USP5: variants seen among roughly 807,000 people sequenced by gnomAD.
USP5 encodes ubiquitin carboxyl-terminal hydrolase 5.
USP5 carries 24 observed loss-of-function variants against 102.5 expected under a neutral mutation model. The observed-to-expected ratio is 0.23, with a 90% CI of 0.17 to 0.33. The LOEUF is 0.33. USP5 is among the 10% of genes least tolerant of loss of function. The pLI, the probability that USP5 is intolerant of heterozygous loss-of-function variation, is 1.00. For missense variants in USP5, 753 were observed against 1,122.1 expected (o/e 0.67, Z 4.70); for synonymous variants, 460 against 434.8 (o/e 1.06, Z -0.72).
chr12:6,861,806 CTGTCACCT>C lies in USP5; in HGVS notation c.1673+194_1673+201del, dbSNP rs1409984267. 6.6e-6 allele frequency among the ~76,000 whole-genome samples: 1 copy of C among 152,258 alleles called. No homozygotes were observed. Among genetic ancestry groups the C allele is most frequent in the East Asian group, 1.9e-4 (1 of 5,206 alleles). ...GGGGGGACACGGGTACTGACTCTAT[CTGTCACCT>C]TGTCCTGCCCCAACCACTCCCTCTT... On this transcript the variant is annotated intron_variant, in intron 13 of 19. Coordinates refer to ENST00000229268, the MANE Select transcript of USP5 (RefSeq NM_001098536.2). The surrounding 1 kb of genome is among the most constrained non-coding windows in gnomAD (Gnocchi z 4.9).
Position 6,856,660 on chromosome 12 carries a change from C to T in USP5, c.585-47C>T. The T allele has an allele frequency of 6.2e-7, 1 of 1,604,804 alleles. No individual in the cohort carries two copies. The highest frequency in any genetic ancestry group is 8.5e-7 in the Non-Finnish European group (1 of 1,175,992). On this transcript the variant is annotated intron_variant, in intron 5 of 19. Transcript: ENST00000229268. This position sits in a 1 kb window ranked among gnomAD's most constrained non-coding sequence, Gnocchi z 5.6. ...GAGCCCTCTCTCTCTGCCACTCCCT[C>T]AAATCCCCGACCCACATTTCTGCTG...
In USP5 at chr12:6,858,552, G is replaced by A. The variant is rs1944185267; in HGVS notation, c.993G>A (p.Leu331=). ...CTGGCTACACAGGCATCCGGAACCTGGGTAACAGCTGCTACCTCAACTCTG... is the reference window on the plus strand; with the variant it reads ...CTGGCTACACAGGCATCCGGAACCTAGGTAACAGCTGCTACCTCAACTCTG... ...FGPGYTGIRN[L]GNSCYLNSVV... The change falls in exon 8 of 20, where the codon CTG becomes CTA. Residue 331 remains leucine, a synonymous_variant. Coordinates refer to ENST00000229268, the MANE Select transcript of USP5 (RefSeq NM_001098536.2). This position sits in a 1 kb window ranked among gnomAD's most constrained non-coding sequence, Gnocchi z 4.2. 1 of 1,613,628 alleles carries A rather than the reference G, an allele frequency of 6.2e-7. No individual in the cohort carries two copies. Among genetic ancestry groups the A allele is most frequent in the African/African-American group, 1.3e-5 (1 of 74,928 alleles).
In USP5 at chr12:6,861,226, G is replaced by T; in HGVS notation, c.1498+120G>T. 6.6e-7 allele frequency: 1 copy of T among 1,506,084 alleles called. No individual in the cohort carries two copies. Among genetic ancestry groups the T allele is most frequent in the Non-Finnish European group, 8.9e-7 (1 of 1,121,736 alleles). The allele number at this position is 1,506,084 out of a possible 1,614,324, so 93.3% of individuals were successfully genotyped here. On this transcript the variant is annotated intron_variant, in intron 12 of 19. Transcript: ENST00000229268. The surrounding 1 kb of genome is among the most constrained non-coding windows in gnomAD (Gnocchi z 4.9). ...CCCTGCTTCACCAGCCAAGGTTCCAGTCTGGGCCACCAGGAGTAGGTAGAT... is the reference window on the plus strand; with the variant it reads ...CCCTGCTTCACCAGCCAAGGTTCCATTCTGGGCCACCAGGAGTAGGTAGAT...
At position 6,860,533 on chromosome 12, in the gene USP5, T is replaced by C; in HGVS notation, c.1344+42T>C. 2 of 1,609,902 alleles carry C rather than the reference T, an allele frequency of 1.2e-6. No individual in the cohort carries two copies. Among genetic ancestry groups the C allele is most frequent in the Non-Finnish European group, 1.7e-6 (2 of 1,179,386 alleles). ...TGGCACACCCCCATCTTCCTGCAATTTACTCGCTCTCCTTCCTGCCCATTT... is the reference window on the plus strand; with the variant it reads ...TGGCACACCCCCATCTTCCTGCAATCTACTCGCTCTCCTTCCTGCCCATTT... On this transcript the variant is annotated intron_variant, in intron 11 of 19. Transcript: ENST00000229268. The surrounding 1 kb of genome is among the most constrained non-coding windows in gnomAD (Gnocchi z 5.5).
In USP5 at chr12:6,858,354, A is replaced by G. The variant is rs1944179785; in HGVS notation, c.865-70A>G. 1 of 1,506,910 alleles carries G rather than the reference A, an allele frequency of 6.6e-7. No homozygotes were observed. Among genetic ancestry groups the G allele is most frequent in the Non-Finnish European group, 9.1e-7 (1 of 1,097,800 alleles). The allele number at this position is 1,506,910 out of a possible 1,614,324, so 93.3% of individuals were successfully genotyped here. A position where few individuals can be genotyped will look rare whatever the true frequency, so the allele number is the denominator to read the frequency against. ...CACAGTTGAGTATCATCCTAGACTC[A>G]GTGAGAGATCGAGGTAAAAACTACA... On this transcript the variant is annotated intron_variant, in intron 7 of 19. Transcript: ENST00000229268. The surrounding 1 kb of genome is among the most constrained non-coding windows in gnomAD (Gnocchi z 4.2).
chr12:6,856,610 AC>A lies in USP5; in HGVS notation c.585-95del. The A allele has an allele frequency of 3.2e-6, 5 of 1,556,732 alleles. No individual in the cohort carries two copies. Among genetic ancestry groups the A allele is most frequent in the Non-Finnish European group, 4.3e-6 (5 of 1,152,402 alleles). ...GATGGCCAGAGGAGAAGAGAGAGAG[AC>A]CTTGGATTGGCGGGGGGCCTGCAGA... On this transcript the variant is annotated intron_variant, in intron 5 of 19. Transcript: ENST00000229268. This position sits in a 1 kb window ranked among gnomAD's most constrained non-coding sequence, Gnocchi z 5.6.
Position 6,856,888 on chromosome 12 carries a change from G to C in USP5, c.766G>C (p.Ala256Pro), listed in dbSNP as rs1364191926. 6.2e-7 allele frequency: 1 copy of C among 1,613,266 alleles called. No individual in the cohort carries two copies. The highest frequency in any genetic ancestry group is 8.5e-7 in the Non-Finnish European group (1 of 1,179,562). ...GCTGGGCACCATCACCCCTGATGGA[G>C]CTGGTACAGCCTCCCCTCCTCCAGC... is the stretch of plus-strand genomic sequence containing the variant. ...VKLGTITPDG[A>P]DVYSYDEDDM... Residue 256 changes from alanine to proline, a missense_variant, in exon 6 of 20, where the codon GCT (alanine) becomes CCT (proline). By Grantham distance (27) the Ala-to-Pro change is conservative. Transcript: ENST00000229268. The surrounding 1 kb of genome is among the most constrained non-coding windows in gnomAD (Gnocchi z 5.6).
rs1944183221 is a variant in USP5 at position 6,858,457 on chromosome 12, A to G, written c.898A>G (p.Met300Val). The G allele has an allele frequency of 4.3e-6, 7 of 1,610,432 alleles. No homozygotes were observed. Among genetic ancestry groups the G allele is most frequent in the Non-Finnish European group, 5.9e-6 (7 of 1,176,824 alleles). Residue 300 changes from methionine to valine, a missense_variant, in exon 8 of 20, where the codon ATG becomes GTG. By Grantham distance (21) the Met-to-Val change is conservative. Coordinates refer to ENST00000229268, the MANE Select transcript of USP5 (RefSeq NM_001098536.2). The surrounding 1 kb of genome is among the most constrained non-coding windows in gnomAD (Gnocchi z 4.2). Reference protein sequence around the residue: ...DKTMTELEIDMNQRIGEWELI... With the variant: ...DKTMTELEIDVNQRIGEWELI... ...GACGATGACTGAGTTGGAGATAGACATGAACCAGCGGATTGGTGAATGGGA... is the reference window on the plus strand; with the variant it reads ...GACGATGACTGAGTTGGAGATAGACGTGAACCAGCGGATTGGTGAATGGGA...
At position 6,860,255 on chromosome 12, in the gene USP5, G is replaced by A. The variant is rs1944240322; in HGVS notation, c.1218+17G>A. On this transcript the variant is annotated intron_variant, in intron 10 of 19. Coordinates refer to ENST00000229268, the MANE Select transcript of USP5 (RefSeq NM_001098536.2). This position sits in a 1 kb window ranked among gnomAD's most constrained non-coding sequence, Gnocchi z 5.5. ...GAACAGAAGGTGCGTCTAGGACCCT[G>A]TCCCTTTCAGGCCCTGGGATTGTGG... 3 of 1,611,304 alleles carry A rather than the reference G, an allele frequency of 1.9e-6. No individual in the cohort carries two copies. Among genetic ancestry groups the A allele is most frequent in the African/African-American group, 2.7e-5 (2 of 74,710 alleles).
chr12:6,852,632 T>A (rs1391593936), intron 1 of USP5, among the ~76,000 whole-genome samples: 1 of 152,250 alleles, frequency 6.6e-6, no homozygotes, highest in African/African-American at 2.4e-5. Context: ...CAGTCGGCCT[T>A]GTCTGCCGCG....
intron 1 of USP5, among the ~76,000 whole-genome samples, chr12:6,853,340 C>G (rs1944001186): frequency 6.6e-6 from 1 of 152,238 alleles, no homozygotes; most frequent in Non-Finnish European, 1.5e-5. Flanking sequence ...AGGCCCAGTT[C>G]AGGATCATCA....
chr12:6,860,949 A>G lies in USP5; in HGVS notation c.1345-4A>G. On this transcript the variant is annotated splice_polypyrimidine_tract_variant and splice_region_variant and intron_variant, in intron 11 of 19. Coordinates refer to ENST00000229268, the MANE Select transcript of USP5 (RefSeq NM_001098536.2). The surrounding 1 kb of genome is among the most constrained non-coding windows in gnomAD (Gnocchi z 5.5). ...GACCTCCCTACCCTGCCTCTTTCCC[A>G]TAGAGGAATTGCCGGAGCTCTGAAA... 1 of 1,613,722 alleles carries G rather than the reference A, an allele frequency of 6.2e-7. No homozygotes were observed. The highest frequency in any genetic ancestry group is 8.5e-7 in the Non-Finnish European group (1 of 1,179,944).
At chr12:6,865,006 G>A (rs1312790292) in intron 18 of USP5, 131 bp downstream of exon 18, 3 of 1,390,286 alleles carry the variant, frequency 2.2e-6, no homozygotes, top group Non-Finnish European at 2.9e-6. Flanking sequence ...GGCATCTGAG[G>A]GTGGGGTTCT....
intron 6 of USP5, among the ~76,000 whole-genome samples, 193 bp downstream of exon 6, chr12:6,857,084 G>A (rs1944138465): frequency 6.6e-6 from 1 of 152,014 alleles, no homozygotes; most frequent in Admixed American, 6.6e-5. Flanking sequence ...CTAGGAGTTC[G>A]AGACCAGCCT....
rs1555130787 is a variant in USP5 at position 6,866,002 on chromosome 12, C to T, written c.2502C>T (p.Asp834=). ...TCCCCAGATGGGTGATCTACAATGA[C>T]CAGAAAGTGTGTGCCTCCGAGAAGC... is the stretch of plus-strand genomic sequence containing the variant. The part of the protein sequence containing the change: ...KKEGRWVIYN[D]QKVCASEKPP... Residue 834 remains aspartate, a synonymous_variant, in exon 20 of 20, where the codon GAC becomes GAT. Coordinates refer to ENST00000229268, the MANE Select transcript of USP5 (RefSeq NM_001098536.2). This position sits in a 1 kb window ranked among gnomAD's most constrained non-coding sequence, Gnocchi z 4.7. 14 of 1,614,124 alleles carry T rather than the reference C, an allele frequency of 8.7e-6. No homozygotes were observed. Among genetic ancestry groups the T allele is most frequent in the Non-Finnish European group, 1.2e-5 (14 of 1,180,006 alleles).
chr12:6,863,105 A>G lies in USP5; in HGVS notation c.1763-81A>G. On this transcript the variant is annotated intron_variant, in intron 14 of 19. Coordinates refer to ENST00000229268, the MANE Select transcript of USP5 (RefSeq NM_001098536.2). This position sits in a 1 kb window ranked among gnomAD's most constrained non-coding sequence, Gnocchi z 4.7. Reference sequence around the variant, plus strand: ...CTCCTCTTTACAGAGCAGTTCTGACATAGGGGGCAGGGGATTGAGGTTCCC... The same window carrying G: ...CTCCTCTTTACAGAGCAGTTCTGACGTAGGGGGCAGGGGATTGAGGTTCCC... The G allele has an allele frequency of 7.1e-7, 1 of 1,417,534 alleles. No homozygotes were observed. Among genetic ancestry groups the G allele is most frequent in the Non-Finnish European group, 9.5e-7 (1 of 1,053,918 alleles). 87.8% of individuals were successfully genotyped at this position (1,417,534 alleles called of 1,614,324 possible). A position where few individuals can be genotyped will look rare whatever the true frequency, so the allele number is the denominator to read the frequency against.
At position 6,855,928 on chromosome 12, in the gene USP5, T is replaced by G; in HGVS notation, c.305-89T>G. On this transcript the variant is annotated intron_variant, in intron 3 of 19. Transcript: ENST00000229268. This position sits in a 1 kb window ranked among gnomAD's most constrained non-coding sequence, Gnocchi z 4.6. ...GGCCTGATTGATGGCCCTAGAACTCTGGATGGGGCAAGTGAGGTGCTGGCT... is the reference window on the plus strand; with the variant it reads ...GGCCTGATTGATGGCCCTAGAACTCGGGATGGGGCAAGTGAGGTGCTGGCT... 1 of 1,605,392 alleles carries G rather than the reference T, an allele frequency of 6.2e-7. No homozygotes were observed. Among genetic ancestry groups the G allele is most frequent in the South Asian group, 1.1e-5 (1 of 90,358 alleles).
Position 6,858,739 on chromosome 12 carries a change from C to A in USP5, c.1058+122C>A. On this transcript the variant is annotated intron_variant, in intron 8 of 19. Transcript: ENST00000229268. This position sits in a 1 kb window ranked among gnomAD's most constrained non-coding sequence, Gnocchi z 4.2. The stretch of plus-strand genomic sequence containing the variant: ...CTAGTCTTAGAGTAGTTCCTATCGG[C>A]TGGGTGTGTTGGCCCACACCCGTAA... 2.1e-6 allele frequency: 2 copies of A among 953,884 alleles called. No individual in the cohort carries two copies. Among genetic ancestry groups the A allele is most frequent in the Non-Finnish European group, 3.0e-6 (2 of 656,930 alleles). The allele number at this position is 953,884 out of a possible 1,614,324, so 59.1% of individuals were successfully genotyped here.
rs782286093 is a variant in USP5, at chr12:6,862,455, GTC to G, written c.1674-9_1674-8del. On this transcript the variant is annotated splice_polypyrimidine_tract_variant and intron_variant, in intron 13 of 19. Transcript: ENST00000229268. ...TGGGGATTGTCTGGGTACCAGCACA[GTC>G]TCTCTTCCCTAGGACCACACGATTT... The G allele has an allele frequency of 6.2e-7, 1 of 1,611,962 alleles. No homozygotes were observed. Among genetic ancestry groups the G allele is most frequent in the East Asian group, 2.2e-5 (1 of 44,868 alleles).
Sources: allele counts gnomAD v4.1 joint callset (sites outside exome capture counted in the v4.1 genomes callset), GRCh38; gene constraint gnomAD v4.1.1; non-coding constraint Gnocchi (gnomAD v3.1); transcripts MANE v1.5; gene names NCBI Gene and HGNC (gene_info 2026-07-23, HGNC 2026-07-21).